SLC35A1: variants seen among roughly 807,000 people sequenced by gnomAD.
The protein encoded by SLC35A1 is CMP-sialic acid transporter.
In SLC35A1, 21 loss-of-function variants were observed where a neutral mutation model predicts 40.3. That is an observed-to-expected ratio of 0.52 (90% CI 0.37 to 0.75). SLC35A1 has a LOEUF of 0.75. Among genes scored for constraint, SLC35A1 ranks in the 30% least tolerant of loss-of-function variants. The pLI is 0.00. For synonymous variants in SLC35A1, 146 were observed against 147.3 expected, an observed-to-expected ratio of 0.99 and a Z score of 0.06; for missense variants, 297 against 382.1, an observed-to-expected ratio of 0.78 and a Z score of 1.86.
intron 4 of SLC35A1, among the ~76,000 whole-genome samples, chr6:87,501,903 A>G (rs1769932961): frequency 6.6e-6 from 1 of 152,234 alleles, no homozygotes; most frequent in East Asian, 1.9e-4. Flanking sequence ...AGATACATAC[A>G]TGATTTTTTT....
chr6:87,481,523 AT>A (rs1350437623), intron 2 of SLC35A1, among the ~76,000 whole-genome samples: 1 of 152,014 alleles, frequency 6.6e-6, no homozygotes, highest in Non-Finnish European at 1.5e-5. Context: ...ACCTATTTTT[AT>A]TAGTTTTTAG....
intron 3 of SLC35A1, 130 bp from the exon 4 acceptor site, chr6:87,501,028 G>A: frequency 1.1e-6 from 1 of 902,754 alleles, no homozygotes; most frequent in Non-Finnish European, 1.7e-6. Flanking sequence ...GGGATTACAG[G>A]TGTGAGCCAC....
chr6:87,506,286 T>A lies in SLC35A1; in HGVS notation c.508-96T>A. The A allele has an allele frequency of 1.9e-5, 18 of 938,720 alleles. No individual in the cohort carries two copies. In the South Asian group the frequency reaches 2.2e-4, roughly 12 times the overall value. The allele number at this position is 938,720 out of a possible 1,614,324, so 58.1% of individuals were successfully genotyped here. A position where few individuals can be genotyped will look rare whatever the true frequency, so the allele number is the denominator to read the frequency against. On this transcript the variant is annotated intron_variant, in intron 4 of 7. Coordinates refer to ENST00000369552, the MANE Select transcript of SLC35A1 (RefSeq NM_006416.5). ...TGTCTGATGTGGAATATACTTTTAG[T>A]AAGACTGTAACAGGTTTTTGTATTT... is the stretch of plus-strand genomic sequence containing the variant.
rs375942414 is a variant in SLC35A1, at chr6:87,494,588, A to G, written c.195-5920A>G. The stretch of plus-strand genomic sequence containing the variant: ...CAGGTGCCTGCCACCACGCCTGGCT[A>G]TTTTTTTTTGTATTTTTTAGTAGAG... On this transcript the variant is annotated intron_variant, in intron 2 of 7. Transcript: ENST00000369552. Among the ~76,000 whole-genome samples the G allele has an allele frequency of 6.0e-4, 90 of 150,628 alleles. 1 individual carries two copies. The highest frequency in any genetic ancestry group is 6.1e-4 in the Non-Finnish European group (41 of 67,538).
intron 7 of SLC35A1, among the ~76,000 whole-genome samples, chr6:87,510,888 A>G (rs116037322): frequency 2.0e-5 from 3 of 151,664 alleles, no homozygotes; most frequent in African/African-American, 7.3e-5. Flanking sequence ...AAAAAAGATG[A>G]AAAAAGGGTT....
intron 1 of SLC35A1, among the ~76,000 whole-genome samples, chr6:87,474,195 A>C (rs1244980966): frequency 6.6e-6 from 1 of 152,258 alleles, no homozygotes; most frequent in African/African-American, 2.4e-5. Flanking sequence ...AGCTGCAACA[A>C]TGTAAAGGTT....
intron 2 of SLC35A1, among the ~76,000 whole-genome samples, chr6:87,489,995 G>A (rs948891087): frequency 2.6e-5 from 4 of 152,048 alleles, no homozygotes; most frequent in Non-Finnish European, 5.9e-5. Flanking sequence ...TTGGGAGGCC[G>A]AGGTGGGTGG....
At chr6:87,484,962 A>G (rs1167282378) in intron 2 of SLC35A1, among the ~76,000 whole-genome samples, 1 of 152,242 alleles carries the variant, frequency 6.6e-6, no homozygotes, top group Non-Finnish European at 1.5e-5. Flanking sequence ...AGAGCTTTAT[A>G]ATGGTCTTTT....
intron 2 of SLC35A1, among the ~76,000 whole-genome samples, chr6:87,496,311 A>G (rs1769723373): frequency 6.6e-6 from 1 of 152,240 alleles, no homozygotes; most frequent in Admixed American, 6.5e-5. Flanking sequence ...ATAAAAATAA[A>G]AAGAATTGTT....
At chr6:87,503,149 C>T (rs917810076) in intron 4 of SLC35A1, among the ~76,000 whole-genome samples, 13 of 152,218 alleles carry the variant, frequency 8.5e-5, no homozygotes, top group African/African-American at 2.7e-4. Context: ...TTAGAATTCT[C>T]TCTAGCTTGA....
At chr6:87,483,658 AG>A (rs1769310286) in intron 2 of SLC35A1, among the ~76,000 whole-genome samples, 1 of 152,072 alleles carries the variant, frequency 6.6e-6, no homozygotes, top group East Asian at 1.9e-4. Context: ...CTGCCGTGGA[AG>A]GCTCAACCCC....
intron 2 of SLC35A1, among the ~76,000 whole-genome samples, chr6:87,483,895 G>A (rs1478272619): frequency 6.6e-6 from 1 of 152,106 alleles, no homozygotes; most frequent in East Asian, 1.9e-4. Flanking sequence ...AGCAGGATCC[G>A]CCCTAAGCCA....
chr6:87,491,077 C>T (rs1222582379), intron 2 of SLC35A1, among the ~76,000 whole-genome samples: 1 of 152,182 alleles, frequency 6.6e-6, no homozygotes, highest in Admixed American at 6.5e-5. Context: ...ATTTTCATTT[C>T]ATTCTTGTAC....
rs1027135580 is a variant in SLC35A1 at position 87,511,961 on chromosome 6, G to T, written c.*435G>T. 2 of 227,660 alleles carry T rather than the reference G, an allele frequency of 8.8e-6. No homozygotes were observed. Among genetic ancestry groups the T allele is most frequent in the African/African-American group, 4.6e-5 (2 of 43,530 alleles). The allele number at this position is 227,660 out of a possible 1,614,324, so 14.1% of individuals were successfully genotyped here. A position where few individuals can be genotyped will look rare whatever the true frequency, so the allele number is the denominator to read the frequency against. On this transcript the variant is annotated 3_prime_UTR_variant, in exon 8 of 8. Transcript: ENST00000369552. ...GACCCCTCCTTATTCTCCAATTCAT[G>T]TACAGTATTTTGTCCTAGCAGCATA...
At chr6:87,474,801 C>T (rs1769021194) in intron 1 of SLC35A1, among the ~76,000 whole-genome samples, 1 of 152,156 alleles carries the variant, frequency 6.6e-6, no homozygotes, top group Admixed American at 6.5e-5. Flanking sequence ...TTTGATTACC[C>T]TTCCACTTAG....
At chr6:87,508,209 A>G (rs1005754079) in intron 5 of SLC35A1, among the ~76,000 whole-genome samples, 3 of 152,128 alleles carry the variant, frequency 2.0e-5, no homozygotes, top group Non-Finnish European at 2.9e-5. Context: ...CCAATTAGTT[A>G]TTATTCTATA....
At chr6:87,499,053 A>G in intron 2 of SLC35A1, 1 of 836,336 alleles carries the variant, frequency 1.2e-6, no homozygotes. Flanking sequence ...ATACAAAGAG[A>G]TCTGTAACTA....
chr6:87,500,703 CT>C, intron 3 of SLC35A1, 36 bp downstream of exon 3: 1 of 1,599,972 alleles, frequency 6.3e-7, no homozygotes. Context: ...AGCACAGAAT[CT>C]TTTATGGTAA....
chr6:87,475,503 C>G (rs1400144708), intron 1 of SLC35A1, among the ~76,000 whole-genome samples: 3 of 152,106 alleles, frequency 2.0e-5, no homozygotes, highest in Non-Finnish European at 4.4e-5. Context: ...TTTTTTGGCT[C>G]CTCAGATCTT....
Sources: gnomAD v4.1 joint callset for allele counts (sites outside exome capture counted in the v4.1 genomes callset) on GRCh38, gnomAD v4.1.1 for gene constraint, MANE v1.5 for transcripts, NCBI Gene and HGNC (gene_info 2026-07-23, HGNC 2026-07-21) for gene names.